The following SEMA6A variants were observed in gnomAD, a reference collection of about 807,000 sequenced individuals.
SEMA6A encodes the protein semaphorin-6A.
Under a neutral mutation model 96.8 loss-of-function variants are expected in SEMA6A, and 25 were observed. That is an observed-to-expected ratio of 0.26 (90% CI 0.19 to 0.36). The LOEUF (loss-of-function observed/expected upper bound fraction) is 0.36. SEMA6A is among the 10% of genes least tolerant of loss of function. SEMA6A has a pLI of 1.00. For synonymous variants in SEMA6A, 612 were observed against 518.0 expected (o/e 1.18, Z -2.46); for missense variants, 1,363 against 1,323.1 (o/e 1.03, Z -0.47).
intron 10 of SEMA6A, 68 bp from the exon 11 acceptor site, chr5:116,482,643 C>A: frequency 6.5e-7 from 1 of 1,531,712 alleles, no homozygotes; most frequent in South Asian, 1.2e-5. Flanking sequence ...GGAACATACT[C>A]CAGAGAAACT....
chr5:116,545,194 G>A (rs532938510), intron 1 of SEMA6A, among the ~76,000 whole-genome samples: 176 of 152,290 alleles, frequency 1.2e-3, no homozygotes, highest in East Asian at 2.9e-3. Flanking sequence ...ATAGCCAGTC[G>A]GGTTTAGCTT....
intron 1 of SEMA6A, among the ~76,000 whole-genome samples, chr5:116,535,597 A>G (rs1759672361): frequency 6.6e-6 from 1 of 152,212 alleles, no homozygotes; most frequent in Non-Finnish European, 1.5e-5. Flanking sequence ...ATCACCATTT[A>G]TAATAGATGT....
At chr5:116,529,865 A>G (rs1043944812) in intron 1 of SEMA6A, among the ~76,000 whole-genome samples, 5 of 152,100 alleles carry the variant, frequency 3.3e-5, no homozygotes, top group African/African-American at 1.2e-4. Flanking sequence ...GAAGGAGCAT[A>G]GGTTGGAAGG....
rs1761370008 is a variant in SEMA6A at position 116,574,265 on chromosome 5, C to T, written c.-119G>A. On this transcript the variant is annotated 5_prime_UTR_variant, in exon 1 of 19. Coordinates refer to ENST00000343348, the MANE Select transcript of SEMA6A (RefSeq NM_020796.5). ...TGTATCCCATTTAGTAATCCATTATCGAGGGGATCTCTCCGGGCCGCGGGC... is the reference window on the plus strand; with the variant it reads ...TGTATCCCATTTAGTAATCCATTATTGAGGGGATCTCTCCGGGCCGCGGGC... 6.6e-6 allele frequency: 1 copy of T among 152,284 alleles called. No homozygotes were observed. The highest frequency in any genetic ancestry group is 1.5e-5 in the Non-Finnish European group (1 of 68,008). 9.4% of individuals were successfully genotyped at this position (152,284 alleles called of 1,614,324 possible). A position where few individuals can be genotyped will look rare whatever the true frequency, so the allele number is the denominator to read the frequency against.
intron 6 of SEMA6A, 88 bp from the exon 7 acceptor site, chr5:116,491,918 C>T (rs937040140): frequency 5.8e-6 from 6 of 1,031,344 alleles, no homozygotes; most frequent in South Asian, 4.0e-5. Flanking sequence ...TGTGACAGGC[C>T]TTTTGTAATC....
At chr5:116,459,478 A>C (rs1755235651) in intron 18 of SEMA6A, among the ~76,000 whole-genome samples, 1 of 152,104 alleles carries the variant, frequency 6.6e-6, no homozygotes, top group Non-Finnish European at 1.5e-5. Context: ...CATGGCATTT[A>C]AGGTTCCAGG....
Position 116,478,081 on chromosome 5 carries a change from C to T in SEMA6A, c.1501G>A (p.Val501Ile), listed in dbSNP as rs1350230381. Residue 501 changes from valine to isoleucine, a missense_variant, in exon 14 of 19, where the codon GTT becomes ATT. Transcript: ENST00000343348. Reference protein sequence around the residue: ...QLDRASSSLYVAFSTCVIKVP... With the variant: ...QLDRASSSLYIAFSTCVIKVP... Reference sequence around the variant, plus strand: ...TTTATCACACAGGTAGAGAACGCAACATACAGAGAGCTGCTTGCTCTGTCC... The same window carrying T: ...TTTATCACACAGGTAGAGAACGCAATATACAGAGAGCTGCTTGCTCTGTCC... 6.8e-6 allele frequency: 11 copies of T among 1,613,848 alleles called. No homozygotes were observed. The highest frequency in any genetic ancestry group is 9.3e-6 in the Non-Finnish European group (11 of 1,179,880).
intron 1 of SEMA6A, among the ~76,000 whole-genome samples, chr5:116,526,212 A>G (rs1759217605): frequency 1.3e-5 from 2 of 151,794 alleles, no homozygotes; most frequent in Non-Finnish European, 1.5e-5. Flanking sequence ...TTTCCTATTA[A>G]CAGCCCCTCC....
At chr5:116,494,063 T>G (rs890614914) in intron 6 of SEMA6A, among the ~76,000 whole-genome samples, 5 of 152,012 alleles carry the variant, frequency 3.3e-5, no homozygotes, top group African/African-American at 7.2e-5. Context: ...TTGACTCACC[T>G]CTCTCTCTCT....
chr5:116,488,561 C>G (rs1192575450), intron 8 of SEMA6A, among the ~76,000 whole-genome samples: 1 of 152,200 alleles, frequency 6.6e-6, no homozygotes, highest in Non-Finnish European at 1.5e-5. Context: ...TCTCCACCAC[C>G]TCCAAGCCCC....
At chr5:116,495,571 T>C (rs1757554288) in intron 5 of SEMA6A, 57 bp from the exon 6 acceptor site, 1 of 1,246,332 alleles carries the variant, frequency 8.0e-7, no homozygotes, top group South Asian at 1.3e-5. Flanking sequence ...AAACTGATTC[T>C]TCACTGTATG....
chr5:116,470,815 A>G (rs531438785), intron 17 of SEMA6A, among the ~76,000 whole-genome samples: 1 of 152,328 alleles, frequency 6.6e-6, no homozygotes, highest in South Asian at 2.1e-4. Context: ...TGCAGAGGAT[A>G]CAGCTAGAAA....
chr5:116,562,957 C>T (rs1317204427), intron 1 of SEMA6A: 1 of 581,852 alleles, frequency 1.7e-6, no homozygotes, highest in Admixed American at 2.0e-5. Flanking sequence ...GGACGTCCCC[C>T]CCATCCTCTC....
intron 18 of SEMA6A, among the ~76,000 whole-genome samples, chr5:116,466,410 C>A (rs1401193664): frequency 4.7e-5 from 7 of 150,440 alleles, no homozygotes; most frequent in Non-Finnish European, 4.4e-5. Context: ...TGAGTCAGGG[C>A]TTATTACTAA....
intron 18 of SEMA6A, chr5:116,449,300 CAAGACAGAA>C (rs1754480606): frequency 1.4e-6 from 1 of 701,808 alleles, no homozygotes; most frequent in Non-Finnish European, 2.6e-6. Flanking sequence ...GAAATGATAG[CAAGACAGAA>C]AAGGTACCTT....
chr5:116,447,764 C>A lies in SEMA6A; in HGVS notation c.1942G>T (p.Val648Phe). ...ATGACTGCAATGGCCAAGAGGGTGA[C>A]GGGAACCAGCTGGTCGTGGCCTTTG... ...YLKGHDQLVP[V>F]TLLAIAVILA... The change falls in exon 19 of 19, where the codon GTC (valine) becomes TTC (phenylalanine). Residue 648 changes from valine (V) to phenylalanine (F), a missense_variant. Around this residue, in one of 2 missense-constraint regions of SEMA6A, gnomAD observed 883 missense variants for 763.6 expected, o/e 1.16. Transcript: ENST00000343348. 1 of 1,610,900 alleles carries A rather than the reference C, an allele frequency of 6.2e-7. No homozygotes were observed. The highest frequency in any genetic ancestry group is 8.5e-7 in the Non-Finnish European group (1 of 1,177,460).
intron 18 of SEMA6A, chr5:116,449,304 A>G: frequency 1.4e-6 from 1 of 702,412 alleles, no homozygotes; most frequent in Non-Finnish European, 2.6e-6. Context: ...TGATAGCAAG[A>G]CAGAAAAGGT....
At chr5:116,486,574 G>GTGCT (rs1757058840) in intron 10 of SEMA6A, 175 bp downstream of exon 10, 3 of 591,586 alleles carry the variant, frequency 5.1e-6, no homozygotes, top group Non-Finnish European at 9.1e-6. Flanking sequence ...TAACTTAATA[G>GTGCT]TGCTTATAAA....
chr5:116,572,897 T>C (rs1219684531), intron 1 of SEMA6A, among the ~76,000 whole-genome samples: 2 of 152,120 alleles, frequency 1.3e-5, no homozygotes, highest in African/African-American at 2.4e-5. Flanking sequence ...GCGCCTGGTC[T>C]AGTGACCCCG....
Sources: gnomAD v4.1 joint callset for allele counts (sites outside exome capture counted in the v4.1 genomes callset) on GRCh38, gnomAD v4.1.1 for gene constraint, gnomAD v4.1.1 regional missense constraint, MANE v1.5 for transcripts, NCBI Gene and HGNC (gene_info 2026-07-23, HGNC 2026-07-21) for gene names.